GRM5: variants seen among roughly 807,000 people sequenced by gnomAD.
GRM5 encodes the protein glutamate metabotropic receptor 5.
A neutral mutation model predicts 83.1 loss-of-function variants in GRM5; 19 were observed. The observed-to-expected ratio is 0.23, with a 90% CI of 0.16 to 0.34. The LOEUF is 0.34. Among genes scored for constraint, GRM5 ranks in the 10% least tolerant of loss-of-function variants. GRM5 has a pLI of 1.00. For synonymous variants in GRM5, 675 were observed against 633.6 expected (o/e 1.07, Z -0.98); for missense variants, 1,160 against 1,588.3 (o/e 0.73, Z 4.58).
chr11:89,033,105 T>C (rs564726878), intron 2 of GRM5, among the ~76,000 whole-genome samples: 1 of 152,020 alleles, frequency 6.6e-6, no homozygotes, highest in African/African-American at 2.4e-5. Context: ...AATTAATTTA[T>C]CAGGCAGTCT....
chr11:88,749,916 T>C (rs996539138), intron 3 of GRM5, among the ~76,000 whole-genome samples: 1 of 152,112 alleles, frequency 6.6e-6, no homozygotes, highest in African/African-American at 2.4e-5. Flanking sequence ...GAGGCCTGCC[T>C]TGCAAGAGCT....
chr11:88,649,047 A>T (rs903154354), intron 4 of GRM5, among the ~76,000 whole-genome samples: 3 of 145,772 alleles, frequency 2.1e-5, no homozygotes, highest in Non-Finnish European at 4.5e-5. Flanking sequence ...CTTAATATAC[A>T]TAATATATAA....
intron 2 of GRM5, among the ~76,000 whole-genome samples, chr11:89,022,800 T>G (rs1425911975): frequency 2.0e-5 from 3 of 152,208 alleles, no homozygotes; most frequent in African/African-American, 7.2e-5. Flanking sequence ...TCCTTTAGTA[T>G]AAAATGTTTT....
chr11:88,914,892 A>C (rs1372029872), intron 2 of GRM5, among the ~76,000 whole-genome samples: 1 of 152,182 alleles, frequency 6.6e-6, no homozygotes, highest in Non-Finnish European at 1.5e-5. Context: ...TGCTCATTGA[A>C]TTATTCATAG....
At position 89,049,202 on chromosome 11, in the gene GRM5, AG is replaced by A. The variant is rs1941706391; in HGVS notation, c.-200-1131del. Among the ~76,000 whole-genome samples the A allele has an allele frequency of 2.0e-5, 3 of 152,280 alleles. No individual in the cohort carries two copies. The East Asian group carries it at 5.8e-4, about 29-fold the overall frequency. On this transcript the variant is annotated intron_variant, in intron 1 of 9. Transcript: ENST00000305447. ...ACATCACTAAGGCTCAAAGGCTAAA[AG>A]GATGTATGTTTGGAACTATTCTGCC... is the stretch of plus-strand genomic sequence containing the variant.
chr11:88,647,591 G>A (rs1431015389), intron 4 of GRM5, among the ~76,000 whole-genome samples: 2 of 152,034 alleles, frequency 1.3e-5, no homozygotes, highest in Non-Finnish European at 2.9e-5. Context: ...ACATAGGCAT[G>A]GGCAAGGACT....
intron 2 of GRM5, among the ~76,000 whole-genome samples, chr11:89,015,557 A>G (rs954475689): frequency 1.8e-4 from 27 of 152,186 alleles, no homozygotes; most frequent in African/African-American, 6.3e-4. Context: ...TGGATATCTC[A>G]GGGCCTCATA....
chr11:88,780,477 T>G (rs1942952951), intron 3 of GRM5, among the ~76,000 whole-genome samples: 1 of 152,134 alleles, frequency 6.6e-6, no homozygotes, highest in Admixed American at 6.6e-5. Flanking sequence ...GGAGAGTACC[T>G]TAGCTTGTGG....
At chr11:88,691,128 A>G (rs1256547115) in intron 3 of GRM5, among the ~76,000 whole-genome samples, 3 of 152,166 alleles carry the variant, frequency 2.0e-5, no homozygotes, top group Non-Finnish European at 4.4e-5. Flanking sequence ...GGCTGGGAAG[A>G]GGGCTGGATG....
chr11:88,609,105 A>C (rs930618630), intron 4 of GRM5, among the ~76,000 whole-genome samples: 5 of 152,192 alleles, frequency 3.3e-5, no homozygotes, highest in Admixed American at 3.3e-4. Context: ...GATAGTGACC[A>C]TAGTTCCTGA....
chr11:88,712,647 T>C (rs1347767209), intron 3 of GRM5, among the ~76,000 whole-genome samples: 1 of 151,984 alleles, frequency 6.6e-6, no homozygotes, highest in African/African-American at 2.4e-5. Flanking sequence ...CTGTTCGTAG[T>C]TTGATGCCCA....
At chr11:89,019,775 TTCTGA>T (rs1940939065) in intron 2 of GRM5, among the ~76,000 whole-genome samples, 1 of 152,208 alleles carries the variant, frequency 6.6e-6, no homozygotes, top group African/African-American at 2.4e-5. Flanking sequence ...GAAGGATTAT[TTCTGA>T]TGCCAGAACC....
intron 8 of GRM5, among the ~76,000 whole-genome samples, chr11:88,559,946 G>A (rs371824062): frequency 1.3e-5 from 2 of 152,146 alleles, no homozygotes; most frequent in African/African-American, 4.8e-5. Context: ...GGCCAGGAGA[G>A]GCTTTCCAGC....
chr11:88,861,966 T>G (rs1011481961), intron 2 of GRM5, among the ~76,000 whole-genome samples: 4 of 152,174 alleles, frequency 2.6e-5, no homozygotes, highest in African/African-American at 9.7e-5. Flanking sequence ...CCTAAGTATT[T>G]GTTGAATAAA....
At chr11:89,038,675 G>T (rs1941452907) in intron 2 of GRM5, among the ~76,000 whole-genome samples, 2 of 152,106 alleles carry the variant, frequency 1.3e-5, no homozygotes, top group Admixed American at 1.3e-4. Flanking sequence ...TAGATAAAAA[G>T]ACACAAAAAT....
chr11:88,674,262 A>G (rs577429884), intron 3 of GRM5, among the ~76,000 whole-genome samples: 9 of 151,952 alleles, frequency 5.9e-5, no homozygotes, highest in African/African-American at 1.9e-4. Context: ...CTTCCTCTCT[A>G]TCCTCTAGGT....
At chr11:89,044,357 A>T (rs1941597919) in intron 2 of GRM5, among the ~76,000 whole-genome samples, 1 of 152,134 alleles carries the variant, frequency 6.6e-6, no homozygotes, top group Admixed American at 6.6e-5. Context: ...TAATAGAACA[A>T]GCCACAGTAA....
intron 3 of GRM5, among the ~76,000 whole-genome samples, chr11:88,659,527 A>G (rs1341489815): frequency 1.3e-5 from 2 of 152,220 alleles, no homozygotes. Context: ...GTAATTATAC[A>G]TCTGTAAAGA....
intron 2 of GRM5, among the ~76,000 whole-genome samples, chr11:88,945,347 C>G (rs1338592268): frequency 6.6e-6 from 1 of 151,962 alleles, no homozygotes; most frequent in Admixed American, 6.6e-5. Flanking sequence ...CAATGTTACT[C>G]TTATCAAATT....
Sources: allele counts gnomAD v4.1 joint callset (sites outside exome capture counted in the v4.1 genomes callset), GRCh38; gene constraint gnomAD v4.1.1; transcripts MANE v1.5; gene names NCBI Gene and HGNC (gene_info 2026-07-23, HGNC 2026-07-21).